Variants in FBXL17 observed in about 807,000 individuals in gnomAD.
FBXL17 encodes the protein F-box/LRR-repeat protein 17.
FBXL17 carries 22 observed loss-of-function variants against 66.2 expected under a neutral mutation model. The observed-to-expected ratio is 0.33, with a 90% CI of 0.24 to 0.47. FBXL17 has a LOEUF of 0.47. FBXL17 is among the 20% of genes least tolerant of loss of function. The probability of loss-of-function intolerance (pLI) is 1.00; values close to 1 mark genes in which losing one functional copy is unlikely to be tolerated. For synonymous variants in FBXL17, 474 were observed against 400.5 expected (o/e 1.18, Z -2.19); for missense variants, 878 against 948.2 (o/e 0.93, Z 0.97).
chr5:108,121,135 CT>C (rs925738472), intron 6 of FBXL17, among the ~76,000 whole-genome samples: 12 of 152,226 alleles, frequency 7.9e-5, no homozygotes, highest in African/African-American at 2.9e-4. Flanking sequence ...CAAGACCATC[CT>C]GGCCAACATG....
intron 4 of FBXL17, among the ~76,000 whole-genome samples, chr5:108,266,091 C>T (rs1164079175): frequency 1.3e-5 from 2 of 151,888 alleles, no homozygotes; most frequent in African/African-American, 4.8e-5. Context: ...GGGGCACATA[C>T]TAAAAATATA....
intron 6 of FBXL17, among the ~76,000 whole-genome samples, chr5:108,026,866 CACAAGAGGTGGCCT>C (rs1754845048): frequency 6.6e-6 from 1 of 152,162 alleles, no homozygotes; most frequent in Non-Finnish European, 1.5e-5. Flanking sequence ...TGAGACACAT[CACAAGAGGTGGCCT>C]ACAAACTGAA....
At chr5:108,158,278 G>C (rs1477396212) in intron 6 of FBXL17, among the ~76,000 whole-genome samples, 1 of 152,016 alleles carries the variant, frequency 6.6e-6, no homozygotes, top group African/African-American at 2.4e-5. Flanking sequence ...TACCAACAAC[G>C]AATTAGAAAA....
chr5:108,073,531 C>T (rs1158845288), intron 6 of FBXL17, among the ~76,000 whole-genome samples: 1 of 152,036 alleles, frequency 6.6e-6, no homozygotes, highest in African/African-American at 2.4e-5. Context: ...AACTAAAAAA[C>T]TAGAGCAAGT....
chr5:108,240,349 G>C (rs1755801374), intron 4 of FBXL17, among the ~76,000 whole-genome samples: 1 of 152,024 alleles, frequency 6.6e-6, no homozygotes, highest in African/African-American at 2.4e-5. Context: ...GTGAGTCCTA[G>C]GCCTGGCAGC....
At position 107,942,271 on chromosome 5, in the gene FBXL17, A is replaced by G. The variant is rs187456177; in HGVS notation, c.1823-61092T>C. 7.2e-5 allele frequency among the ~76,000 whole-genome samples: 11 copies of G among 152,296 alleles called. No homozygotes were observed. The East Asian group carries it at 1.7e-3, about 24-fold the overall frequency. ...GAAAAACAAAACTTTGTCCTCTTAG[A>G]AAGTTCAGAGCAGAGGTGGAGGGGA... On this transcript the variant is annotated intron_variant, in intron 7 of 8. Coordinates refer to ENST00000542267, the MANE Select transcript of FBXL17 (RefSeq NM_001163315.3).
intron 7 of FBXL17, among the ~76,000 whole-genome samples, chr5:107,981,379 G>A (rs1382925006): frequency 6.6e-6 from 1 of 152,230 alleles, no homozygotes; most frequent in Non-Finnish European, 1.5e-5. Flanking sequence ...GATATGCCTA[G>A]GAGGATGTTT....
chr5:107,875,446 T>C (rs1013571562), intron 8 of FBXL17, among the ~76,000 whole-genome samples: 1 of 152,236 alleles, frequency 6.6e-6, no homozygotes, highest in Non-Finnish European at 1.5e-5. Flanking sequence ...TGAGGCTTTC[T>C]CTTACCATAA....
intron 7 of FBXL17, among the ~76,000 whole-genome samples, chr5:108,019,648 C>A (rs1456462225): frequency 6.6e-6 from 1 of 151,538 alleles, no homozygotes; most frequent in Non-Finnish European, 1.5e-5. Context: ...ATATAATACA[C>A]ACATACACAC....
intron 5 of FBXL17, among the ~76,000 whole-genome samples, chr5:108,216,712 G>C (rs764220271): frequency 6.6e-6 from 1 of 152,086 alleles, no homozygotes; most frequent in Non-Finnish European, 1.5e-5. Context: ...AGAGGCCCCC[G>C]CCTGTGGGTC....
chr5:108,258,708 T>A (rs1756681720), intron 4 of FBXL17, among the ~76,000 whole-genome samples: 2 of 151,548 alleles, frequency 1.3e-5, no homozygotes. Context: ...TCAGTTTAAT[T>A]AAGGAAGTCA....
In FBXL17 at chr5:108,055,297, A is replaced by AC. The variant is rs1561388198; in HGVS notation, c.1746-34297_1746-34296insG. On this transcript the variant is annotated intron_variant, in intron 6 of 8. Transcript: ENST00000542267. ...AATTTTTAGAAAAAAAAAAAAAAAA[A>AC]AAAAAAAAAAAAAAAAGAAAAACGC... 8.6e-3 allele frequency among the ~76,000 whole-genome samples: 274 copies of AC among 31,952 alleles called. 6 individuals carry two copies. The highest frequency in any genetic ancestry group is 0.033 in the African/African-American group (257 of 7,818). 21.0% of individuals were successfully genotyped at this position (31,952 alleles called of 152,430 possible). A position where few individuals can be genotyped will look rare whatever the true frequency, so the allele number is the denominator to read the frequency against.
At chr5:108,020,289 T>G (rs1281341675) in intron 7 of FBXL17, among the ~76,000 whole-genome samples, 1 of 151,848 alleles carries the variant, frequency 6.6e-6, no homozygotes, top group Admixed American at 6.6e-5. Flanking sequence ...ATTTACAAAA[T>G]TAAACAAAAA....
chr5:107,980,800 G>A (rs1175000491), intron 7 of FBXL17, among the ~76,000 whole-genome samples: 2 of 148,930 alleles, frequency 1.3e-5, no homozygotes, highest in Non-Finnish European at 3.0e-5. Context: ...GGGACTACAG[G>A]CACCCACCAC....
chr5:107,906,076 A>C (rs1749747224), intron 7 of FBXL17, among the ~76,000 whole-genome samples: 1 of 151,796 alleles, frequency 6.6e-6, no homozygotes, highest in Admixed American at 6.6e-5. Context: ...TTTTTTTTCA[A>C]GAAGTTTAGC....
intron 8 of FBXL17, among the ~76,000 whole-genome samples, chr5:107,871,673 G>A (rs1022522361): frequency 6.6e-6 from 1 of 151,498 alleles, no homozygotes; most frequent in African/African-American, 2.4e-5. Flanking sequence ...ACATATGTGG[G>A]ACACCAGGAT....
At chr5:108,204,821 C>A (rs1472338546) in intron 5 of FBXL17, among the ~76,000 whole-genome samples, 1 of 151,520 alleles carries the variant, frequency 6.6e-6, no homozygotes, top group East Asian at 1.9e-4. Context: ...GTTTTTTAAT[C>A]ATTATGGAAA....
At chr5:108,106,519 C>T (rs1276373555) in intron 6 of FBXL17, among the ~76,000 whole-genome samples, 1 of 152,026 alleles carries the variant, frequency 6.6e-6, no homozygotes, top group Non-Finnish European at 1.5e-5. Flanking sequence ...AACTAATGAA[C>T]AGATGTGGTG....
intron 7 of FBXL17, among the ~76,000 whole-genome samples, chr5:107,962,120 T>C (rs1751937717): frequency 6.6e-6 from 1 of 152,172 alleles, no homozygotes; most frequent in Non-Finnish European, 1.5e-5. Flanking sequence ...ATACAATTTC[T>C]CTTTCAGATG....
Sources: allele counts gnomAD v4.1 joint callset (sites outside exome capture counted in the v4.1 genomes callset), GRCh38; gene constraint gnomAD v4.1.1; transcripts MANE v1.5; gene names NCBI Gene and HGNC (gene_info 2026-07-23, HGNC 2026-07-21).